The following NIM1K variants were observed in gnomAD, a reference collection of about 807,000 sequenced individuals.
The protein encoded by NIM1K is serine/threonine-protein kinase NIM1.
Under a neutral mutation model 37.1 loss-of-function variants are expected in NIM1K, and 35 were observed. That is an observed-to-expected ratio of 0.94 (90% confidence interval 0.72 to 1.25). The LOEUF (loss-of-function observed/expected upper bound fraction) is 1.25, where lower values mean the gene tolerates loss of function less well. Among genes scored for constraint, NIM1K ranks in the 50% most tolerant of loss-of-function variants. NIM1K has a pLI of 0.00. For synonymous variants in NIM1K, 234 were observed against 206.6 expected (o/e 1.13, Z -1.14); for missense variants, 564 against 548.0 (o/e 1.03, Z -0.29).
At chr5:43,216,723 AG>A (rs1465814566) in intron 1 of NIM1K, among the ~76,000 whole-genome samples, 1 of 152,226 alleles carries the variant, frequency 6.6e-6, no homozygotes, top group Non-Finnish European at 1.5e-5. Flanking sequence ...AAAGACCAGT[AG>A]GCAGGATCTA....
chr5:43,229,019 T>C (rs1189333262), intron 1 of NIM1K, among the ~76,000 whole-genome samples: 1 of 152,136 alleles, frequency 6.6e-6, no homozygotes, highest in Admixed American at 6.5e-5. Context: ...CAAGTGAATA[T>C]AGTACTTTTT....
intron 2 of NIM1K, among the ~76,000 whole-genome samples, chr5:43,270,403 T>A (rs1191082510): frequency 6.6e-6 from 1 of 152,124 alleles, no homozygotes; most frequent in Non-Finnish European, 1.5e-5. Flanking sequence ...GAATTGTTTA[T>A]CCAAAGTAAA....
chr5:43,233,240 G>A (rs1579970218), intron 1 of NIM1K: 9 of 714,554 alleles, frequency 1.3e-5, no homozygotes, highest in African/African-American at 1.8e-5. Flanking sequence ...CTTACAGTGC[G>A]ACTCTTAGGT....
chr5:43,227,139 T>C (rs1341758570), intron 1 of NIM1K, among the ~76,000 whole-genome samples: 1 of 152,142 alleles, frequency 6.6e-6, no homozygotes, highest in African/African-American at 2.4e-5. Flanking sequence ...GGAAGGCGGA[T>C]CACCTGAGGT....
At position 43,213,191 on chromosome 5, in the gene NIM1K, TTC is replaced by T. The variant is rs1561074738; in HGVS notation, c.-695+20782_-695+20783del. Among the ~76,000 whole-genome samples, 18 of 114,062 alleles carry T rather than the reference TTC, an allele frequency of 1.6e-4. 1 individual carries two copies. The highest frequency in any genetic ancestry group is 3.5e-4 in the African/African-American group (11 of 31,864). The allele number at this position is 114,062 out of a possible 152,430, so 74.8% of individuals were successfully genotyped here. ...TTTCTTTCTTTCTTTCTTTCTTTCT[TTC>T]TTTCTTTCTTTCTTTCTTTCTTTCT... On this transcript the variant is annotated intron_variant, in intron 1 of 3. Transcript: ENST00000326035.
intron 1 of NIM1K, among the ~76,000 whole-genome samples, chr5:43,198,707 G>T (rs1322310189): frequency 6.6e-6 from 1 of 152,200 alleles, no homozygotes; most frequent in Non-Finnish European, 1.5e-5. Flanking sequence ...AGGTGAAGAA[G>T]CCTCATCTGT....
At chr5:43,273,157 G>A (rs1753283261) in intron 2 of NIM1K, among the ~76,000 whole-genome samples, 1 of 151,388 alleles carries the variant, frequency 6.6e-6, no homozygotes, top group Admixed American at 6.6e-5. Context: ...CTTGCTCCCA[G>A]GCTTGCTGCT....
intron 2 of NIM1K, among the ~76,000 whole-genome samples, chr5:43,272,691 A>T (rs1027670027): frequency 2.0e-5 from 3 of 152,150 alleles, no homozygotes; most frequent in African/African-American, 7.2e-5. Context: ...TTGGTCCTGT[A>T]GACGTATTTT....
chr5:43,267,753 T>C (rs1444601938), intron 2 of NIM1K, among the ~76,000 whole-genome samples: 1 of 152,198 alleles, frequency 6.6e-6, no homozygotes, highest in Non-Finnish European at 1.5e-5. Context: ...TGTATTTGTA[T>C]AGTTTTGAGA....
intron 2 of NIM1K, among the ~76,000 whole-genome samples, chr5:43,261,355 C>G (rs1169072314): frequency 1.3e-5 from 2 of 152,116 alleles, no homozygotes; most frequent in African/African-American, 4.8e-5. Flanking sequence ...TCTCTGATGG[C>G]CAGTGATGAT....
chr5:43,261,615 T>G (rs1292486578), intron 2 of NIM1K, among the ~76,000 whole-genome samples: 1 of 152,000 alleles, frequency 6.6e-6, no homozygotes, highest in East Asian at 1.9e-4. Flanking sequence ...TGAATTTAAT[T>G]AGATCCCATT....
intron 1 of NIM1K, among the ~76,000 whole-genome samples, chr5:43,214,554 G>T (rs1431960672): frequency 6.7e-6 from 1 of 150,206 alleles, no homozygotes; most frequent in South Asian, 2.1e-4. Context: ...GGTGGCTTAC[G>T]CCTGTAATCC....
intron 1 of NIM1K, among the ~76,000 whole-genome samples, chr5:43,223,911 A>G (rs1752415951): frequency 6.6e-6 from 1 of 152,200 alleles, no homozygotes; most frequent in Non-Finnish European, 1.5e-5. Flanking sequence ...AGCCTTTTAA[A>G]ACACTAATTA....
At chr5:43,197,078 G>T (rs1003379077) in intron 1 of NIM1K, among the ~76,000 whole-genome samples, 4 of 149,976 alleles carry the variant, frequency 2.7e-5, no homozygotes, top group African/African-American at 9.8e-5. Flanking sequence ...GAGCCACCAT[G>T]CCTGGCCACT....
intron 1 of NIM1K, chr5:43,231,972 T>C: frequency 2.1e-6 from 2 of 974,626 alleles, no homozygotes; most frequent in Non-Finnish European, 3.1e-6. Flanking sequence ...ACTCTTGACA[T>C]ACATTCAAGT....
intron 1 of NIM1K, among the ~76,000 whole-genome samples, chr5:43,211,411 T>C (rs1361136660): frequency 2.0e-5 from 3 of 152,212 alleles, no homozygotes; most frequent in African/African-American, 7.2e-5. Flanking sequence ...GTCTGCATCT[T>C]AGGCAGATAG....
intron 2 of NIM1K, among the ~76,000 whole-genome samples, chr5:43,260,627 A>G (rs1339222432): frequency 6.6e-6 from 1 of 152,060 alleles, no homozygotes; most frequent in Non-Finnish European, 1.5e-5. Flanking sequence ...TTTTATTATT[A>G]TACTTTAAGT....
chr5:43,275,176 A>G lies in NIM1K; in HGVS notation c.293-1881A>G, dbSNP rs545640163. Reference sequence around the variant, plus strand: ...TTCTAAACATTTTGGTAAATATGCTACCAGATTTTTATCTATGCAAATGTG... The same window carrying G: ...TTCTAAACATTTTGGTAAATATGCTGCCAGATTTTTATCTATGCAAATGTG... On this transcript the variant is annotated intron_variant, in intron 2 of 3. Coordinates refer to ENST00000326035, the MANE Select transcript of NIM1K (RefSeq NM_153361.4). Among the ~76,000 whole-genome samples the G allele has an allele frequency of 3.3e-5, 5 of 152,352 alleles. No individual in the cohort carries two copies. In the South Asian group the frequency reaches 1.0e-3, roughly 32 times the overall value.
At chr5:43,206,984 G>T (rs1752122775) in intron 1 of NIM1K, 16 of 758,400 alleles carry the variant, frequency 2.1e-5, no homozygotes. Flanking sequence ...GAACAAAGCG[G>T]AATTGAGTCA....
Sources: allele counts gnomAD v4.1 joint callset (sites outside exome capture counted in the v4.1 genomes callset), GRCh38; gene constraint gnomAD v4.1.1; transcripts MANE v1.5; gene names NCBI Gene and HGNC (gene_info 2026-07-23, HGNC 2026-07-21).